VWC2L: variants seen among roughly 807,000 people sequenced by gnomAD.
The protein encoded by VWC2L is von Willebrand factor C domain containing 2 like.
In VWC2L, 10 loss-of-function variants were observed where a neutral mutation model predicts 21.6. The observed-to-expected ratio is 0.46, with a 90% confidence interval of 0.29 to 0.78. The LOEUF (loss-of-function observed/expected upper bound fraction) is 0.78, where lower values mean the gene tolerates loss of function less well. Among genes scored for constraint, VWC2L ranks in the 30% least tolerant of loss-of-function variants. The pLI is 0.10. For synonymous variants in VWC2L, 96 were observed against 94.3 expected, an observed-to-expected ratio of 1.02 and a Z score of -0.10; for missense variants, 209 against 277.1, an observed-to-expected ratio of 0.75 and a Z score of 1.74.
At chr2:214,531,051 C>T (rs1689425706) in intron 3 of VWC2L, among the ~76,000 whole-genome samples, 1 of 152,188 alleles carries the variant, frequency 6.6e-6, no homozygotes, top group Non-Finnish European at 1.5e-5. Flanking sequence ...CCATCTTCAT[C>T]CTTAAGTGAA....
chr2:214,510,984 A>G lies in VWC2L; in HGVS notation c.521-64688A>G, dbSNP rs139030535. ...CACCAACATAACACTTTGAACCTAT[A>G]TGTAATATTTGTAAAAGTAAGGCTG... On this transcript the variant is annotated intron_variant, in intron 3 of 3. Transcript: ENST00000312504. Among the ~76,000 whole-genome samples the G allele has an allele frequency of 3.3e-5, 5 of 152,284 alleles. No homozygotes were observed. The East Asian group carries it at 9.6e-4, about 29-fold the overall frequency.
At chr2:214,426,892 G>T (rs1417359086) in intron 2 of VWC2L, among the ~76,000 whole-genome samples, 2 of 152,138 alleles carry the variant, frequency 1.3e-5, no homozygotes, top group African/African-American at 4.8e-5. Flanking sequence ...TTGCTAACAT[G>T]AGGAAAATTC....
chr2:214,433,094 T>C (rs1473207113), intron 2 of VWC2L, among the ~76,000 whole-genome samples: 2 of 149,626 alleles, frequency 1.3e-5, no homozygotes, highest in African/African-American at 2.5e-5. Context: ...ACATTAGTTA[T>C]TTAAAAACAC....
intron 2 of VWC2L, among the ~76,000 whole-genome samples, chr2:214,416,360 A>G (rs1374924529): frequency 1.3e-5 from 2 of 152,078 alleles, no homozygotes; most frequent in African/African-American, 4.8e-5. Flanking sequence ...TAACCCTACT[A>G]TAATCTAATT....
chr2:214,463,761 T>G (rs879809412), intron 3 of VWC2L, among the ~76,000 whole-genome samples: 2 of 152,212 alleles, frequency 1.3e-5, no homozygotes, highest in Non-Finnish European at 2.9e-5. Flanking sequence ...TTATCACATT[T>G]GACCTCCTTG....
At chr2:214,477,682 A>G (rs1409130086) in intron 3 of VWC2L, among the ~76,000 whole-genome samples, 2 of 152,260 alleles carry the variant, frequency 1.3e-5, no homozygotes, top group African/African-American at 2.4e-5. Flanking sequence ...GCCTAACATC[A>G]TATAACTAGT....
chr2:214,472,275 G>C (rs1328065058), intron 3 of VWC2L: 2 of 152,126 alleles, frequency 1.3e-5, no homozygotes, highest in African/African-American at 2.4e-5. Flanking sequence ...GATATCATTA[G>C]AGTCACAAGA....
At chr2:214,514,449 C>A (rs1689108520) in intron 3 of VWC2L, among the ~76,000 whole-genome samples, 1 of 151,074 alleles carries the variant, frequency 6.6e-6, no homozygotes, top group African/African-American at 2.5e-5. Flanking sequence ...TAGTCTCTGT[C>A]TAGATATGGA....
At chr2:214,451,196 C>A (rs990427995) in intron 3 of VWC2L, among the ~76,000 whole-genome samples, 1 of 151,784 alleles carries the variant, frequency 6.6e-6, no homozygotes, top group African/African-American at 2.4e-5. Flanking sequence ...CTTAACAAGG[C>A]CTCCAGAAAT....
chr2:214,446,858 A>G (rs893368511), intron 3 of VWC2L, among the ~76,000 whole-genome samples: 5 of 152,194 alleles, frequency 3.3e-5, no homozygotes, highest in African/African-American at 1.2e-4. Context: ...TGTTGAACAC[A>G]TACATATGGA....
intron 3 of VWC2L, among the ~76,000 whole-genome samples, chr2:214,572,142 CT>C (rs1690158944): frequency 6.6e-6 from 1 of 152,178 alleles, no homozygotes; most frequent in Non-Finnish European, 1.5e-5. Flanking sequence ...CTGGCAACTA[CT>C]ACATTCAGTT....
chr2:214,562,247 G>T (rs1689987122), intron 3 of VWC2L, among the ~76,000 whole-genome samples: 1 of 151,992 alleles, frequency 6.6e-6, no homozygotes, highest in Non-Finnish European at 1.5e-5. Flanking sequence ...TGCAGTGTTT[G>T]GTTTTCTGTT....
chr2:214,502,284 A>C (rs974596708), intron 3 of VWC2L, among the ~76,000 whole-genome samples: 1 of 152,148 alleles, frequency 6.6e-6, no homozygotes, highest in Non-Finnish European at 1.5e-5. Flanking sequence ...GAAAATGACA[A>C]CGATTGGCAG....
At chr2:214,490,762 G>T (rs1688734693) in intron 3 of VWC2L, among the ~76,000 whole-genome samples, 1 of 152,272 alleles carries the variant, frequency 6.6e-6, no homozygotes, top group Non-Finnish European at 1.5e-5. Context: ...AAGGAATGAG[G>T]CTTAGGAGGA....
At chr2:214,477,383 T>G (rs1688540042) in intron 3 of VWC2L, among the ~76,000 whole-genome samples, 1 of 152,230 alleles carries the variant, frequency 6.6e-6, no homozygotes, top group Non-Finnish European at 1.5e-5. Context: ...AGGTTGTCCT[T>G]GGTTCAACTC....
chr2:214,501,501 C>T (rs1049258475), intron 3 of VWC2L, among the ~76,000 whole-genome samples: 26 of 151,944 alleles, frequency 1.7e-4, no homozygotes, highest in Non-Finnish European at 3.2e-4. Flanking sequence ...GGCGGTGAAT[C>T]GCCTGAGGTC....
At chr2:214,447,742 C>T (rs1234441559) in intron 3 of VWC2L, among the ~76,000 whole-genome samples, 1 of 152,138 alleles carries the variant, frequency 6.6e-6, no homozygotes, top group Admixed American at 6.5e-5. Context: ...ACATCTGGAA[C>T]AAGAGACTCT....
At chr2:214,542,569 C>T (rs1239782986) in intron 3 of VWC2L, among the ~76,000 whole-genome samples, 3 of 152,134 alleles carry the variant, frequency 2.0e-5, no homozygotes, top group East Asian at 1.9e-4. Flanking sequence ...CTGCCAAGGC[C>T]GACAGAATTC....
intron 3 of VWC2L, among the ~76,000 whole-genome samples, chr2:214,446,419 A>G (rs570877513): frequency 1.1e-3 from 162 of 152,354 alleles, no homozygotes; most frequent in South Asian, 3.5e-3. Flanking sequence ...ATATGAAAGA[A>G]AATATTTATG....
Sources: gnomAD v4.1 joint callset for allele counts (sites outside exome capture counted in the v4.1 genomes callset) on GRCh38, gnomAD v4.1.1 for gene constraint, MANE v1.5 for transcripts, NCBI Gene and HGNC (gene_info 2026-07-23, HGNC 2026-07-21) for gene names.